RPRD1B: variants seen among roughly 807,000 people sequenced by gnomAD.
The protein encoded by RPRD1B is regulation of nuclear pre-mRNA domain-containing protein 1B.
Under a neutral mutation model 41.5 loss-of-function variants are expected in RPRD1B, and 11 were observed. The ratio of observed to expected loss-of-function variants is 0.27; its 90% CI spans 0.17 to 0.44. The LOEUF is 0.44. Ranked by LOEUF, RPRD1B falls within the 20% of genes least tolerant of loss-of-function variation. RPRD1B has a pLI of 1.00. For synonymous variants in RPRD1B, 158 were observed against 155.6 expected (o/e 1.02, Z -0.12); for missense variants, 248 against 389.9 (o/e 0.64, Z 3.06).
intron 6 of RPRD1B, among the ~76,000 whole-genome samples, chr20:38,072,016 T>C (rs1243778178): frequency 6.6e-6 from 1 of 152,190 alleles, no homozygotes. Context: ...GTTTTTTATT[T>C]TTATGAGTTC....
chr20:38,081,989 T>C (rs1361610542), intron 6 of RPRD1B, among the ~76,000 whole-genome samples: 2 of 152,236 alleles, frequency 1.3e-5, no homozygotes, highest in African/African-American at 4.8e-5. Context: ...ACATCTGTGT[T>C]CATCACGGAT....
In RPRD1B at chr20:38,033,923, CCTGCCGGGCCTCA is replaced by C. The variant is rs751733184; in HGVS notation, c.-18_-6del. On this transcript the variant is annotated 5_prime_UTR_variant, in exon 1 of 7. Coordinates refer to ENST00000373433, the MANE Select transcript of RPRD1B (RefSeq NM_021215.4). ...CCGCACTGGGCGGCCCAGGCCGCTC[CCTGCCGGGCCTCA>C]CTGCCGCCACCATGTCCTCCTTCTC... 16 of 1,592,822 alleles carry C rather than the reference CCTGCCGGGCCTCA, an allele frequency of 1.0e-5. No homozygotes were observed. In the South Asian group the frequency reaches 1.8e-4, roughly 18 times the overall value.
intron 6 of RPRD1B, among the ~76,000 whole-genome samples, chr20:38,089,441 A>G (rs917475520): frequency 6.6e-6 from 1 of 152,202 alleles, no homozygotes; most frequent in Non-Finnish European, 1.5e-5. Flanking sequence ...CAAAAAGAGA[A>G]TGCAAATACC....
chr20:38,077,241 A>G (rs2074471689), intron 6 of RPRD1B, among the ~76,000 whole-genome samples: 1 of 152,002 alleles, frequency 6.6e-6, no homozygotes, highest in Non-Finnish European at 1.5e-5. Context: ...TGAGTGCTTT[A>G]TACTTAGGCT....
intron 6 of RPRD1B, among the ~76,000 whole-genome samples, chr20:38,086,855 C>T (rs2122773907): frequency 6.6e-6 from 1 of 152,284 alleles, no homozygotes; most frequent in South Asian, 2.1e-4. Flanking sequence ...CGGTAATGTC[C>T]AGAATATAAT....
Position 38,042,080 on chromosome 20 carries a change from A to T in RPRD1B, c.281+1516A>T, listed in dbSNP as rs138660453. Reference sequence around the variant, plus strand: ...AATTAATGTTAACTCATTATGGAAGAGATTTGGTCTAGGGAGTTGGCTGGA... The same window carrying T: ...AATTAATGTTAACTCATTATGGAAGTGATTTGGTCTAGGGAGTTGGCTGGA... On this transcript the variant is annotated intron_variant, in intron 2 of 6. Coordinates refer to ENST00000373433, the MANE Select transcript of RPRD1B (RefSeq NM_021215.4). Among the ~76,000 whole-genome samples the T allele has an allele frequency of 2.7e-3, 408 of 152,298 alleles. 3 individuals carry two copies. The highest frequency in any genetic ancestry group is 9.6e-3 in the African/African-American group (397 of 41,546).
chr20:38,076,188 C>T (rs1184905294), intron 6 of RPRD1B, among the ~76,000 whole-genome samples: 2 of 152,152 alleles, frequency 1.3e-5, no homozygotes, highest in Admixed American at 1.3e-4. Context: ...TACCATTTAC[C>T]CCAATTATGG....
At chr20:38,054,947 C>G (rs910856749) in intron 3 of RPRD1B, among the ~76,000 whole-genome samples, 2 of 152,166 alleles carry the variant, frequency 1.3e-5, no homozygotes, top group Non-Finnish European at 2.9e-5. Context: ...GTACAAAGTA[C>G]TGTTAGGTGT....
At chr20:38,065,284 G>A (rs1337513277) in intron 5 of RPRD1B, among the ~76,000 whole-genome samples, 4 of 152,280 alleles carry the variant, frequency 2.6e-5, no homozygotes, top group African/African-American at 4.8e-5. Context: ...AACCTGTCAT[G>A]TAGTTTTTTT....
Position 38,092,346 on chromosome 20 carries a change from AG to A in RPRD1B, c.*2472del, listed in dbSNP as rs1476687486. ...CTCATAGATATATATTTTTGAATAA[AG>A]ATGGTGTTGTTGAACAACATTGTGT... On this transcript the variant is annotated 3_prime_UTR_variant, in exon 7 of 7. Coordinates refer to ENST00000373433, the MANE Select transcript of RPRD1B (RefSeq NM_021215.4). 3 of 981,958 alleles carry A rather than the reference AG, an allele frequency of 3.1e-6. 1 individual carries two copies. Among genetic ancestry groups the A allele is most frequent in the East Asian group, 2.3e-4 (2 of 8,816 alleles). The allele number at this position is 981,958 out of a possible 1,614,324, so 60.8% of individuals were successfully genotyped here.
chr20:38,060,469 A>G (rs892161352), intron 5 of RPRD1B, among the ~76,000 whole-genome samples: 5 of 152,242 alleles, frequency 3.3e-5, no homozygotes, highest in African/African-American at 1.2e-4. Flanking sequence ...GAAGGAAAAT[A>G]AAGCAGGGCA....
intron 3 of RPRD1B, among the ~76,000 whole-genome samples, chr20:38,052,278 G>T (rs2074193175): frequency 6.6e-6 from 1 of 152,120 alleles, no homozygotes; most frequent in Admixed American, 6.5e-5. Context: ...TATATGAACT[G>T]GTCGCAAAAG....
At chr20:38,079,548 C>T (rs558169393) in intron 6 of RPRD1B, among the ~76,000 whole-genome samples, 9 of 152,204 alleles carry the variant, frequency 5.9e-5, no homozygotes, top group East Asian at 1.9e-4. Flanking sequence ...CTGCAGAGGA[C>T]GTGATCTCAT....
At chr20:38,062,828 G>GCCCC (rs35010909) in intron 5 of RPRD1B, among the ~76,000 whole-genome samples, 38 of 34,706 alleles carry the variant, frequency 1.1e-3, no homozygotes, top group African/African-American at 2.7e-3. Flanking sequence ...AAAAGCCAGA[G>GCCCC]CCCCCCCCCC....
Position 38,090,641 on chromosome 20 carries a change from G to T in RPRD1B, c.*766G>T. The T allele has an allele frequency of 4.1e-6, 4 of 985,480 alleles. No individual in the cohort carries two copies. The highest frequency in any genetic ancestry group is 4.8e-6 in the Non-Finnish European group (4 of 829,950). 61.0% of individuals were successfully genotyped at this position (985,480 alleles called of 1,614,324 possible). A position where few individuals can be genotyped will look rare whatever the true frequency, so the allele number is the denominator to read the frequency against. ...CTTCTCCACTGTCGGAGCACGTTCC[G>T]AAAAACAGAATGCCTTGATCCCTGG... On this transcript the variant is annotated 3_prime_UTR_variant, in exon 7 of 7. Transcript: ENST00000373433.
Position 38,090,971 on chromosome 20 carries a change from C to A in RPRD1B, c.*1096C>A. On this transcript the variant is annotated 3_prime_UTR_variant, in exon 7 of 7. Transcript: ENST00000373433. ...CGTCAGATGTTATTGAATAGCTCGT[C>A]TCGGGCAGGGGAAGCGGGGAGTTGG... 1 of 985,428 alleles carries A rather than the reference C, an allele frequency of 1.0e-6. No homozygotes were observed. The highest frequency in any genetic ancestry group is 1.7e-5 in the African/African-American group (1 of 57,334). The allele number at this position is 985,428 out of a possible 1,614,324, so 61.0% of individuals were successfully genotyped here.
intron 3 of RPRD1B, among the ~76,000 whole-genome samples, chr20:38,052,657 A>G (rs1487655861): frequency 6.6e-6 from 1 of 151,738 alleles, no homozygotes; most frequent in Non-Finnish European, 1.5e-5. Flanking sequence ...TTAACTAGTC[A>G]ATTGAAGCAG....
intron 3 of RPRD1B, among the ~76,000 whole-genome samples, chr20:38,052,749 G>A (rs889078829): frequency 3.9e-5 from 5 of 128,986 alleles, no homozygotes; most frequent in Admixed American, 8.6e-5. Flanking sequence ...GACCAAACGC[G>A]GTGTTTTTTT....
At chr20:38,039,802 C>T (rs538288176) in intron 1 of RPRD1B, among the ~76,000 whole-genome samples, 2 of 149,614 alleles carry the variant, frequency 1.3e-5, no homozygotes, top group African/African-American at 4.9e-5. Context: ...AGTGCAATCT[C>T]GGCTCACTGC....
Sources: allele counts gnomAD v4.1 joint callset (sites outside exome capture counted in the v4.1 genomes callset), GRCh38; gene constraint gnomAD v4.1.1; transcripts MANE v1.5; gene names NCBI Gene and HGNC (gene_info 2026-07-23, HGNC 2026-07-21).